FHAD1: variants seen among roughly 807,000 people sequenced by gnomAD.
The protein encoded by FHAD1 is forkhead associated phosphopeptide binding domain 1.
Under a neutral mutation model 191.3 loss-of-function variants are expected in FHAD1, and 146 were observed. The ratio of observed to expected loss-of-function variants is 0.76; its 90% CI spans 0.67 to 0.88. The LOEUF (loss-of-function observed/expected upper bound fraction) is 0.88, where lower values mean the gene tolerates loss of function less well. FHAD1 is among the 40% of genes least tolerant of loss of function. The pLI is 0.00. For synonymous variants in FHAD1, 616 were observed against 672.3 expected (o/e 0.92, Z 1.29); for missense variants, 1,635 against 1,785.8 (o/e 0.92, Z 1.52).
intron 15 of FHAD1, among the ~76,000 whole-genome samples, chr1:15,340,271 T>G (rs1285395877): frequency 6.6e-6 from 1 of 152,254 alleles, no homozygotes; most frequent in Admixed American, 6.5e-5. Flanking sequence ...CTGATAGCTA[T>G]TGCCATAATA....
chr1:15,280,046 T>C (rs1660020783), intron 3 of FHAD1, among the ~76,000 whole-genome samples: 2 of 152,166 alleles, frequency 1.3e-5, no homozygotes, highest in African/African-American at 4.8e-5. Context: ...TAGCGTGGCT[T>C]GTTTTTCTCC....
intron 3 of FHAD1, among the ~76,000 whole-genome samples, chr1:15,283,608 T>C (rs886304465): frequency 5.3e-5 from 8 of 152,232 alleles, no homozygotes; most frequent in African/African-American, 1.9e-4. Context: ...TCTCAACATT[T>C]ACTCATCGGC....
intron 4 of FHAD1, among the ~76,000 whole-genome samples, chr1:15,292,877 G>A (rs1665373021): frequency 1.3e-5 from 2 of 152,088 alleles, no homozygotes; most frequent in South Asian, 2.1e-4. Context: ...ATCCCTTGAA[G>A]ATAGGAGTTC....
chr1:15,265,902 C>T (rs1223278114), intron 2 of FHAD1, among the ~76,000 whole-genome samples: 5 of 132,792 alleles, frequency 3.8e-5, no homozygotes, highest in African/African-American at 8.7e-5. Context: ...ACCTGGGAGG[C>T]GGAGGTTGCA....
chr1:15,339,665 C>T lies in FHAD1; in HGVS notation c.1977+114C>T. On this transcript the variant is annotated intron_variant, in intron 15 of 33. Transcript: ENST00000688493. The stretch of plus-strand genomic sequence containing the variant: ...CTTTATCAGCTAGTCCAGTCCACAC[C>T]CTCCAATAGGTGAAATGATTTCTTC... 2 of 363,616 alleles carry T rather than the reference C, an allele frequency of 5.5e-6. 1 individual carries two copies. Among genetic ancestry groups the T allele is most frequent in the South Asian group, 4.6e-5 (2 of 43,336 alleles). 22.5% of individuals were successfully genotyped at this position (363,616 alleles called of 1,614,324 possible).
chr1:15,382,268 C>T (rs1701094723), intron 31 of FHAD1, 75 bp downstream of exon 31: 1 of 1,436,992 alleles, frequency 7.0e-7, no homozygotes, highest in Non-Finnish European at 9.4e-7. Context: ...GAGGGTGGTC[C>T]CTGGAGGATC....
At chr1:15,397,000 C>G (rs1176643347) in intron 33 of FHAD1, among the ~76,000 whole-genome samples, 1 of 140,552 alleles carries the variant, frequency 7.1e-6, no homozygotes, top group African/African-American at 2.7e-5. Context: ...CTGGCTAACA[C>G]GGTGAAACCC....
downstream of FHAD1, among the ~76,000 whole-genome samples, chr1:15,401,661 C>T (rs1039452197): frequency 6.6e-6 from 1 of 152,188 alleles, no homozygotes; most frequent in African/African-American, 2.4e-5. Context: ...AAGTGTGCTC[C>T]TGGTAAGTGG....
rs562002435 is a variant in FHAD1, at chr1:15,369,404, A to T, written c.3349A>T (p.Thr1117Ser). The change falls in exon 26 of 34, where the codon ACA (threonine) becomes TCA (serine). Residue 1117 changes from threonine (T) to serine (S), a missense_variant. Coordinates refer to ENST00000688493, the MANE Select transcript of FHAD1 (RefSeq NM_001391957.1). ...AGAGAAACACAGACTCCAGCTGAAC[A>T]CAGAGAAGGAACAGAAGCCCCGGAA... is the stretch of plus-strand genomic sequence containing the variant. Reference protein sequence around the residue: ...SQEKHRLQLNTEKEQKPRKKT... With the variant: ...SQEKHRLQLNSEKEQKPRKKT... 22 of 1,551,994 alleles carry T rather than the reference A, an allele frequency of 1.4e-5. No individual in the cohort carries two copies. Among genetic ancestry groups the T allele is most frequent in the Middle Eastern group, 3.3e-4 (2 of 5,994 alleles).
At chr1:15,274,652 T>C (rs1461769693) in intron 3 of FHAD1, among the ~76,000 whole-genome samples, 1 of 152,124 alleles carries the variant, frequency 6.6e-6, no homozygotes, top group African/African-American at 2.4e-5. Context: ...TAGTTTATAT[T>C]TTGTTAGTGA....
chr1:15,346,229 C>T (rs1048039249), intron 18 of FHAD1, among the ~76,000 whole-genome samples: 1 of 152,186 alleles, frequency 6.6e-6, no homozygotes, highest in African/African-American at 2.4e-5. Context: ...CCAGAAGTCA[C>T]AGACTGGTAG....
chr1:15,247,342 G>T lies in FHAD1; in HGVS notation c.-68G>T. The stretch of plus-strand genomic sequence containing the variant: ...CCCCGGAGCTGGCCCGACGCCTCCC[G>T]AGCTGGCAGGGCTCTCGGCGGAGGT... On this transcript the variant is annotated 5_prime_UTR_variant, in exon 1 of 34. Transcript: ENST00000688493. 4.2e-6 allele frequency: 1 copy of T among 235,632 alleles called. No homozygotes were observed. Among genetic ancestry groups the T allele is most frequent in the South Asian group, 3.3e-5 (1 of 30,372 alleles). The allele number at this position is 235,632 out of a possible 1,614,324, so 14.6% of individuals were successfully genotyped here. A position where few individuals can be genotyped will look rare whatever the true frequency, so the allele number is the denominator to read the frequency against.
chr1:15,356,319 G>A (rs187914970), intron 20 of FHAD1, among the ~76,000 whole-genome samples: 7 of 152,308 alleles, frequency 4.6e-5, no homozygotes, highest in African/African-American at 1.2e-4. Context: ...TAACAGGATC[G>A]CAGTGTCTTC....
At chr1:15,328,199 C>T (rs1679645493) in intron 12 of FHAD1, 78 bp from the exon 13 acceptor site, 2 of 1,224,182 alleles carry the variant, frequency 1.6e-6, no homozygotes, top group Admixed American at 3.0e-5. Flanking sequence ...TCCCCTCTCC[C>T]ATTCCCCTTC....
At chr1:15,343,174 A>G (rs1687427393) in intron 16 of FHAD1, among the ~76,000 whole-genome samples, 1 of 152,114 alleles carries the variant, frequency 6.6e-6, no homozygotes, top group African/African-American at 2.4e-5. Flanking sequence ...TAGGAGATTA[A>G]AAATTACTAA....
chr1:15,367,365 G>T (rs113990943), intron 24 of FHAD1, 98 bp from the exon 25 acceptor site: 32 of 1,332,406 alleles, frequency 2.4e-5, no homozygotes, highest in Non-Finnish European at 2.8e-5. Flanking sequence ...TCGTGGTGGC[G>T]CATGCCCGTA....
chr1:15,313,800 T>G (rs1374164293), intron 8 of FHAD1, among the ~76,000 whole-genome samples: 1 of 152,120 alleles, frequency 6.6e-6, no homozygotes, highest in Non-Finnish European at 1.5e-5. Flanking sequence ...CCAGGCACGG[T>G]GGCTAATGCC....
At chr1:15,293,735 A>G (rs1020109559) in intron 4 of FHAD1, among the ~76,000 whole-genome samples, 1 of 152,184 alleles carries the variant, frequency 6.6e-6, no homozygotes, top group Non-Finnish European at 1.5e-5. Context: ...CCAACAAACA[A>G]AAAAACAAAA....
downstream of FHAD1, among the ~76,000 whole-genome samples, chr1:15,398,539 T>A (rs1706672165): frequency 6.6e-6 from 1 of 152,096 alleles, no homozygotes; most frequent in Non-Finnish European, 1.5e-5. Context: ...GAACCCAGGT[T>A]TCTAATTCCA....
Sources: gnomAD v4.1 joint callset for allele counts (sites outside exome capture counted in the v4.1 genomes callset) on GRCh38, gnomAD v4.1.1 for gene constraint, MANE v1.5 for transcripts, NCBI Gene and HGNC (gene_info 2026-07-23, HGNC 2026-07-21) for gene names.